The following PLD5 variants were observed in gnomAD, a reference collection of about 807,000 sequenced individuals.
The protein encoded by PLD5 is inactive phospholipase D5.
In PLD5, 36 loss-of-function variants were observed where a neutral mutation model predicts 61.1. The observed-to-expected ratio is 0.59, with a 90% CI of 0.45 to 0.78. PLD5 has a LOEUF of 0.78. PLD5 is among the 30% of genes least tolerant of loss of function. The pLI is 0.00. For synonymous variants in PLD5, 243 were observed against 242.8 expected (o/e 1.00, Z -0.01); for missense variants, 515 against 644.4 (o/e 0.80, Z 2.17).
At chr1:242,402,173 T>C (rs2810007) in intron 1 of PLD5, among the ~76,000 whole-genome samples, 101,736 of 152,106 alleles carry the variant, frequency 0.67, 34,736 homozygotes, top group African/African-American at 0.81. Flanking sequence ...TAGTCAATTA[T>C]GTTTGTGACA....
At chr1:242,296,808 T>C (rs1235908080) in intron 2 of PLD5, among the ~76,000 whole-genome samples, 1 of 152,132 alleles carries the variant, frequency 6.6e-6, no homozygotes, top group Non-Finnish European at 1.5e-5. Flanking sequence ...GCCTCAAATT[T>C]CTTGGCTCAA....
intron 4 of PLD5, among the ~76,000 whole-genome samples, chr1:242,244,619 G>A (rs2841939): frequency 0.97 from 148,165 of 152,300 alleles, 72,213 homozygotes; most frequent in East Asian, 1. Context: ...CATTTCCAAC[G>A]GCTACTAGGA....
chr1:242,133,846 G>T (rs1038412227), intron 5 of PLD5, among the ~76,000 whole-genome samples: 1 of 152,212 alleles, frequency 6.6e-6, no homozygotes, highest in Non-Finnish European at 1.5e-5. Flanking sequence ...AAGGAATGGG[G>T]CCTGAGAGTG....
chr1:242,364,190 G>A (rs910472282), intron 1 of PLD5, among the ~76,000 whole-genome samples: 28 of 152,032 alleles, frequency 1.8e-4, no homozygotes, highest in East Asian at 3.9e-4. Context: ...AAATTCTAAC[G>A]TCTTCAGTTA....
At chr1:242,370,586 C>T (rs913163570) in intron 1 of PLD5, among the ~76,000 whole-genome samples, 7 of 152,092 alleles carry the variant, frequency 4.6e-5, no homozygotes, top group African/African-American at 1.4e-4. Flanking sequence ...CTGGTGTCTC[C>T]CACCCTTCCT....
chr1:242,440,518 A>C (rs1009231275), intron 1 of PLD5, among the ~76,000 whole-genome samples: 1 of 152,240 alleles, frequency 6.6e-6, no homozygotes, highest in Non-Finnish European at 1.5e-5. Flanking sequence ...TCGGGTATAG[A>C]TTATAATCCA....
intron 5 of PLD5, among the ~76,000 whole-genome samples, chr1:242,190,880 G>T (rs538691576): frequency 1.3e-5 from 2 of 152,326 alleles, no homozygotes; most frequent in East Asian, 3.9e-4. Context: ...TGGATTTTCA[G>T]AGGTTGATCA....
At chr1:242,268,234 C>A (rs1248230234) in intron 3 of PLD5, among the ~76,000 whole-genome samples, 2 of 152,182 alleles carry the variant, frequency 1.3e-5, no homozygotes, top group South Asian at 2.1e-4. Flanking sequence ...ATTTCCCGAA[C>A]CTAAACTCGT....
At chr1:242,278,751 C>T (rs1383116796) in intron 3 of PLD5, among the ~76,000 whole-genome samples, 2 of 152,168 alleles carry the variant, frequency 1.3e-5, no homozygotes, top group Non-Finnish European at 2.9e-5. Flanking sequence ...GATTTTCTAT[C>T]CCCAGCAAAT....
chr1:242,284,566 C>T (rs1309411587), intron 3 of PLD5, among the ~76,000 whole-genome samples: 1 of 152,182 alleles, frequency 6.6e-6, no homozygotes, highest in Non-Finnish European at 1.5e-5. Context: ...GAGGGAGCCA[C>T]TCAGGCAACA....
chr1:242,411,103 T>C (rs146450385), intron 1 of PLD5, among the ~76,000 whole-genome samples: 2 of 152,172 alleles, frequency 1.3e-5, no homozygotes, highest in Non-Finnish European at 2.9e-5. Context: ...ACAGAAAGAA[T>C]CATAAAATTA....
chr1:242,166,238 A>G (rs1340333825), intron 5 of PLD5, among the ~76,000 whole-genome samples: 1 of 152,190 alleles, frequency 6.6e-6, no homozygotes, highest in Non-Finnish European at 1.5e-5. Flanking sequence ...GCCAGCATAA[A>G]CAAGCTCCCT....
Position 242,448,556 on chromosome 1 carries a change from G to C in PLD5, c.189+75532C>G, listed in dbSNP as rs143246944. Among the ~76,000 whole-genome samples, 159 of 152,290 alleles carry C rather than the reference G, an allele frequency of 1.0e-3. No homozygotes were observed. The South Asian group carries it at 0.011, about 11-fold the overall frequency. The stretch of plus-strand genomic sequence containing the variant: ...ATGTTTAGTGGCCCCATTGTTGCAA[G>C]CCAGTTCTTCCCCCCATCTCCCGTG... On this transcript the variant is annotated intron_variant, in intron 1 of 9. Coordinates refer to ENST00000536534, the MANE Select transcript of PLD5 (RefSeq NM_001372062.1).
intron 1 of PLD5, among the ~76,000 whole-genome samples, chr1:242,413,542 C>T (rs1664668996): frequency 6.6e-6 from 1 of 152,172 alleles, no homozygotes; most frequent in Non-Finnish European, 1.5e-5. Context: ...TGAGACCAAT[C>T]TTGTCATTCA....
At chr1:242,482,727 G>A in intron 1 of PLD5, among the ~76,000 whole-genome samples, 1 of 152,036 alleles carries the variant, frequency 6.6e-6, no homozygotes, top group Non-Finnish European at 1.5e-5. Context: ...GATACTCCTT[G>A]AGAAGAGCAA....
intron 5 of PLD5, among the ~76,000 whole-genome samples, chr1:242,132,471 A>C (rs1433842463): frequency 6.6e-6 from 1 of 152,112 alleles, no homozygotes; most frequent in African/African-American, 2.4e-5. Context: ...GTATTTCTTT[A>C]ATTTTCTTGA....
At chr1:242,236,867 G>T (rs953879963) in intron 4 of PLD5, among the ~76,000 whole-genome samples, 3 of 152,180 alleles carry the variant, frequency 2.0e-5, no homozygotes, top group Non-Finnish European at 4.4e-5. Flanking sequence ...TTAGAAAAAT[G>T]TAATCACTGT....
At chr1:242,497,189 T>A (rs570269964) in intron 1 of PLD5, among the ~76,000 whole-genome samples, 1 of 152,352 alleles carries the variant, frequency 6.6e-6, no homozygotes, top group South Asian at 2.1e-4. Context: ...TGCATAAAGA[T>A]GTCACAGATT....
chr1:242,120,217 G>A (rs1389261548), intron 6 of PLD5, among the ~76,000 whole-genome samples: 1 of 152,040 alleles, frequency 6.6e-6, no homozygotes, highest in African/African-American at 2.4e-5. Context: ...TTTCTTTGTG[G>A]TGAAAAAAAG....
Sources: allele counts gnomAD v4.1 joint callset (sites outside exome capture counted in the v4.1 genomes callset), GRCh38; gene constraint gnomAD v4.1.1; transcripts MANE v1.5; gene names NCBI Gene and HGNC (gene_info 2026-07-23, HGNC 2026-07-21).